The following SLC24A3 variants were observed in gnomAD, a reference collection of about 807,000 sequenced individuals.
SLC24A3 encodes the protein solute carrier family 24 member 3.
In SLC24A3, 28 loss-of-function variants were observed where a neutral mutation model predicts 75.8. The ratio of observed to expected loss-of-function variants is 0.37; its 90% CI spans 0.27 to 0.51. The LOEUF is 0.51. SLC24A3 is among the 20% of genes least tolerant of loss of function. The pLI is 0.94. For synonymous variants in SLC24A3, 372 were observed against 334.1 expected (o/e 1.11, Z -1.24); for missense variants, 663 against 847.8 (o/e 0.78, Z 2.71).
At chr20:19,616,367 T>C (rs1201410936) in intron 6 of SLC24A3, among the ~76,000 whole-genome samples, 1 of 152,220 alleles carries the variant, frequency 6.6e-6, no homozygotes, top group Non-Finnish European at 1.5e-5. Flanking sequence ...GGAGTTTGTG[T>C]GTCACCTCTC....
Position 19,294,829 on chromosome 20 carries a change from A to G in SLC24A3, c.271+13742A>G, listed in dbSNP as rs1361267768. On this transcript the variant is annotated intron_variant, in intron 2 of 16. Coordinates refer to ENST00000328041, the MANE Select transcript of SLC24A3 (RefSeq NM_020689.4). ...TAATGGGATTGCTGGGTCAAATGGT[A>G]TTTCTGTTTTTAGGTCTTTGAGGAA... Among the ~76,000 whole-genome samples the G allele has an allele frequency of 7.2e-5, 11 of 152,162 alleles. No individual in the cohort carries two copies. The East Asian group carries it at 1.7e-3, about 24-fold the overall frequency.
At chr20:19,292,975 T>C (rs563735981) in intron 2 of SLC24A3, among the ~76,000 whole-genome samples, 1 of 152,262 alleles carries the variant, frequency 6.6e-6, no homozygotes, top group South Asian at 2.1e-4. Flanking sequence ...TTCTTAATCA[T>C]CTTCCCAAAG....
At chr20:19,313,028 C>CTTTTTT (rs747623530) in intron 2 of SLC24A3, among the ~76,000 whole-genome samples, 2 of 68,274 alleles carry the variant, frequency 2.9e-5, no homozygotes, top group Non-Finnish European at 5.3e-5. Context: ...TTTTCTCTTG[C>CTTTTTT]TTTTTTTTTT....
intron 2 of SLC24A3, among the ~76,000 whole-genome samples, chr20:19,487,247 AG>A (rs1364586193): frequency 6.6e-6 from 1 of 152,198 alleles, no homozygotes; most frequent in Non-Finnish European, 1.5e-5. Context: ...ATGATAAGGA[AG>A]GACTCAGAGG....
intron 6 of SLC24A3, among the ~76,000 whole-genome samples, chr20:19,597,951 C>T (rs567014524): frequency 2.0e-5 from 3 of 152,300 alleles, no homozygotes; most frequent in Admixed American, 6.5e-5. Flanking sequence ...GTATATGCCA[C>T]ATTTCACCCA....
intron 2 of SLC24A3, among the ~76,000 whole-genome samples, chr20:19,392,484 C>A (rs778833426): frequency 6.6e-6 from 1 of 152,200 alleles, no homozygotes; most frequent in Non-Finnish European, 1.5e-5. Flanking sequence ...GGCCTGGATA[C>A]TTCTAGCTTG....
chr20:19,585,554 GC>G lies in SLC24A3; in HGVS notation c.612+11del. 1 of 1,612,542 alleles carries G rather than the reference GC, an allele frequency of 6.2e-7. No homozygotes were observed. The highest frequency in any genetic ancestry group is 8.5e-7 in the Non-Finnish European group (1 of 1,179,314). On this transcript the variant is annotated intron_variant, in intron 6 of 16. Coordinates refer to ENST00000328041, the MANE Select transcript of SLC24A3 (RefSeq NM_020689.4). ...GCTCTTTGCTGGGCAGGTAAGACTG[GC>G]GGCTTCTTTGTGATGGCAAAATGTG...
At chr20:19,230,183 C>A (rs910088877) in intron 1 of SLC24A3, among the ~76,000 whole-genome samples, 2 of 152,030 alleles carry the variant, frequency 1.3e-5, no homozygotes, top group African/African-American at 4.8e-5. Context: ...TGTGAACAGA[C>A]CCTCCTGTCC....
At chr20:19,620,718 G>C (rs1478766515) in intron 6 of SLC24A3, among the ~76,000 whole-genome samples, 4 of 152,156 alleles carry the variant, frequency 2.6e-5, no homozygotes, top group Admixed American at 2.6e-4. Flanking sequence ...CCTGAGAAAT[G>C]GAATTTGAGC....
chr20:19,565,067 A>T (rs928457043), intron 3 of SLC24A3, among the ~76,000 whole-genome samples: 8 of 152,186 alleles, frequency 5.3e-5, no homozygotes, highest in Non-Finnish European at 1.2e-4. Context: ...TAGTCTTCCA[A>T]AGTGCTGGGA....
intron 2 of SLC24A3, among the ~76,000 whole-genome samples, chr20:19,322,681 A>C (rs1984740664): frequency 6.6e-6 from 1 of 152,146 alleles, no homozygotes; most frequent in Non-Finnish European, 1.5e-5. Flanking sequence ...TCTTAAACAC[A>C]TAGTGCTCCC....
intron 2 of SLC24A3, among the ~76,000 whole-genome samples, chr20:19,355,322 C>T (rs1361619801): frequency 6.6e-6 from 1 of 152,206 alleles, no homozygotes; most frequent in Non-Finnish European, 1.5e-5. Flanking sequence ...GAACACTTCA[C>T]ATGATAACCA....
At chr20:19,522,535 G>A (rs377637902) in intron 3 of SLC24A3, among the ~76,000 whole-genome samples, 19 of 152,328 alleles carry the variant, frequency 1.2e-4, no homozygotes, top group East Asian at 5.8e-4. Context: ...AAGTGGGAAC[G>A]CATGGTAGGT....
Position 19,538,819 on chromosome 20 carries a change from C to T in SLC24A3, c.348+23255C>T, listed in dbSNP as rs913026744. On this transcript the variant is annotated intron_variant, in intron 3 of 16. Transcript: ENST00000328041. ...TGCAATGAAGGTACTAGAATATCCACGGCAGCACTGTTCATGCCAAGCACT... is the reference window on the plus strand; with the variant it reads ...TGCAATGAAGGTACTAGAATATCCATGGCAGCACTGTTCATGCCAAGCACT... Among the ~76,000 whole-genome samples the T allele has an allele frequency of 3.6e-4, 55 of 152,178 alleles. 1 individual carries two copies. Among genetic ancestry groups the T allele is most frequent in the Admixed American group, 3.9e-4 (6 of 15,278 alleles).
intron 3 of SLC24A3, among the ~76,000 whole-genome samples, chr20:19,562,689 A>T (rs1600281620): frequency 6.6e-6 from 1 of 152,306 alleles, no homozygotes; most frequent in African/African-American, 2.4e-5. Context: ...AACCCCACAC[A>T]AGTGTGTTGG....
At chr20:19,444,870 T>TTTGTTGTTG (rs143149995) in intron 2 of SLC24A3, among the ~76,000 whole-genome samples, 63 of 151,576 alleles carry the variant, frequency 4.2e-4, no homozygotes, top group African/African-American at 1.5e-3. Context: ...TAATCGGCTT[T>TTTGTTGTTG]TTGTTGTTGT....
At chr20:19,278,988 G>A (rs969614136) in intron 1 of SLC24A3, among the ~76,000 whole-genome samples, 7 of 152,210 alleles carry the variant, frequency 4.6e-5, no homozygotes, top group African/African-American at 1.7e-4. Context: ...CACCTAAAAA[G>A]TGGGACTAAT....
chr20:19,631,241 C>T (rs2031929070), intron 6 of SLC24A3, among the ~76,000 whole-genome samples: 1 of 152,244 alleles, frequency 6.6e-6, no homozygotes, highest in East Asian at 1.9e-4. Flanking sequence ...CACATGTAGA[C>T]CCAGCTACTT....
chr20:19,285,949 G>A (rs915217564), intron 2 of SLC24A3, among the ~76,000 whole-genome samples: 1 of 152,102 alleles, frequency 6.6e-6, no homozygotes, highest in African/African-American at 2.4e-5. Context: ...TTGGTTTTTG[G>A]TTCCTTGATA....
Sources: gnomAD v4.1 joint callset for allele counts (sites outside exome capture counted in the v4.1 genomes callset) on GRCh38, gnomAD v4.1.1 for gene constraint, MANE v1.5 for transcripts, NCBI Gene and HGNC (gene_info 2026-07-23, HGNC 2026-07-21) for gene names.